Variants in NUP155 observed in about 807,000 individuals in gnomAD.
NUP155 encodes nuclear pore complex protein Nup155.
Under a neutral mutation model 180.4 loss-of-function variants are expected in NUP155, and 71 were observed. That is an observed-to-expected ratio of 0.39 (90% CI 0.33 to 0.48). The LOEUF (loss-of-function observed/expected upper bound fraction) is 0.48. NUP155 is among the 20% of genes least tolerant of loss of function. The pLI is 0.91. For synonymous variants in NUP155, 582 were observed against 559.5 expected, an observed-to-expected ratio of 1.04 and a Z score of -0.57; for missense variants, 1,553 against 1,648.9, an observed-to-expected ratio of 0.94 and a Z score of 1.01.
Position 37,342,601 on chromosome 5 carries a change from C to A in NUP155, c.1041G>T (p.Val347=). Residue 347 remains valine (V), a synonymous_variant, in exon 10 of 35, where the codon GTG becomes GTT. Transcript: ENST00000231498. The part of the protein sequence containing the change: ...SVFKPIVQIA[V]IENSESLDCQ... ...AGTCCAGTGATTCAGAATTTTCAAT[C>A]ACTGCTATTTGGACAATTGGTTTAA... 1.9e-6 allele frequency: 3 copies of A among 1,613,412 alleles called. No individual in the cohort carries two copies. Among genetic ancestry groups the A allele is most frequent in the Non-Finnish European group, 2.5e-6 (3 of 1,179,460 alleles).
At chr5:37,305,648 C>T (rs534797140) in intron 25 of NUP155, among the ~76,000 whole-genome samples, 75 of 152,258 alleles carry the variant, frequency 4.9e-4, no homozygotes, top group African/African-American at 1.6e-3. Context: ...TGCCACTGCA[C>T]TCCATCCTGG....
At chr5:37,300,950 G>A (rs1742831685) in intron 30 of NUP155, 1 of 170,908 alleles carries the variant, frequency 5.9e-6, no homozygotes. Flanking sequence ...CAGCCTCCCA[G>A]GTAGCTGGGA....
At position 37,289,458 on chromosome 5, in the gene NUP155, A is replaced by C. The variant is rs1313694512; in HGVS notation, c.*2442T>G. The C allele has an allele frequency of 1.4e-4, 21 of 152,254 alleles. No individual in the cohort carries two copies. The highest frequency in any genetic ancestry group is 7.2e-4 in the Admixed American group (11 of 15,288). 9.4% of individuals were successfully genotyped at this position (152,254 alleles called of 1,614,324 possible). A position where few individuals can be genotyped will look rare whatever the true frequency, so the allele number is the denominator to read the frequency against. ...ACTCAAGAATCTGTCATAACAGGCT[A>C]TCCGGCTGATTGTTCTGAATGTGAA... On this transcript the variant is annotated 3_prime_UTR_variant, in exon 35 of 35. Coordinates refer to ENST00000231498, the MANE Select transcript of NUP155 (RefSeq NM_153485.3).
In NUP155 at chr5:37,346,686, AAG is replaced by A. The variant is rs759663488; in HGVS notation, c.995+1817_995+1818del. ...GACTTTGTCTCGGAAACAAAAAAAA[AAG>A]AGAGAGAGAGCGTTTGCAGCTTGAC... On this transcript the variant is annotated intron_variant, in intron 9 of 34. Transcript: ENST00000231498. Among the ~76,000 whole-genome samples, 2 of 151,826 alleles carry A rather than the reference AAG, an allele frequency of 1.3e-5. 1 individual carries two copies. Among genetic ancestry groups the A allele is most frequent in the South Asian group, 4.1e-4 (2 of 4,824 alleles).
In NUP155 at chr5:37,288,779, T is replaced by TGGGGGGGGGGG. The variant is rs1303278690; in HGVS notation, c.*3120_*3121insCCCCCCCCCCC. 40 of 45,686 alleles carry TGGGGGGGGGGG rather than the reference T, an allele frequency of 8.8e-4. No homozygotes were observed. Among genetic ancestry groups the TGGGGGGGGGGG allele is most frequent in the African/African-American group, 1.6e-3 (25 of 15,162 alleles). The allele number at this position is 45,686 out of a possible 1,614,324, so 2.8% of individuals were successfully genotyped here. A position where few individuals can be genotyped will look rare whatever the true frequency, so the allele number is the denominator to read the frequency against. On this transcript the variant is annotated 3_prime_UTR_variant, in exon 35 of 35. Transcript: ENST00000231498. Reference sequence around the variant, plus strand: ...AAAAAAAAAAAAAAAGTAGGGGGGGTGGGGCTAGGCGCAGTGGCTCATGCC... The same window carrying TGGGGGGGGGGG: ...AAAAAAAAAAAAAAAGTAGGGGGGGTGGGGGGGGGGGGGGGCTAGGCGCAGTGGCTCATGCC...
intron 11 of NUP155, among the ~76,000 whole-genome samples, chr5:37,340,862 A>G (rs1424785485): frequency 2.0e-5 from 3 of 152,152 alleles, no homozygotes; most frequent in Non-Finnish European, 4.4e-5. Context: ...TTACTTGCGT[A>G]TATTGCGTGG....
chr5:37,350,513 C>T (rs1436034831), intron 6 of NUP155, among the ~76,000 whole-genome samples: 1 of 152,036 alleles, frequency 6.6e-6, no homozygotes, highest in African/African-American at 2.4e-5. Context: ...GATGAAAAGC[C>T]AGTTATGGGC....
At chr5:37,367,845 G>A (rs1307396248) in intron 1 of NUP155, among the ~76,000 whole-genome samples, 3 of 152,052 alleles carry the variant, frequency 2.0e-5, no homozygotes, top group East Asian at 1.9e-4. Context: ...GTACAGTGGC[G>A]CGATCTCGGC....
At position 37,364,323 on chromosome 5, in the gene NUP155, C is replaced by G; in HGVS notation, c.219G>C (p.Leu73=). 6.2e-7 allele frequency: 1 copy of G among 1,610,966 alleles called. No individual in the cohort carries two copies. Among genetic ancestry groups the G allele is most frequent in the Non-Finnish European group, 8.5e-7 (1 of 1,177,204 alleles). ...MDYPLQGPGL[L]SVPNLPEISS... The stretch of plus-strand genomic sequence containing the variant: ...TGATCTCTGGAAGGTTGGGTACGGA[C>G]AGCAAACCAGGTCCTTGCAAAGGAT... The change falls in exon 2 of 35, where the codon CTG becomes CTC. Residue 73 remains leucine, a synonymous_variant. Coordinates refer to ENST00000231498, the MANE Select transcript of NUP155 (RefSeq NM_153485.3).
chr5:37,320,605 G>C (rs1744184701), intron 20 of NUP155, among the ~76,000 whole-genome samples: 1 of 152,094 alleles, frequency 6.6e-6, no homozygotes. Context: ...CTGCTTCTGT[G>C]ACAATTCAAG....
chr5:37,311,542 T>G (rs1298453806), intron 22 of NUP155, among the ~76,000 whole-genome samples: 1 of 152,140 alleles, frequency 6.6e-6, no homozygotes, highest in South Asian at 2.1e-4. Context: ...AGCCACACTA[T>G]TCATTGGACA....
intron 25 of NUP155, among the ~76,000 whole-genome samples, chr5:37,306,926 G>A (rs1010425956): frequency 1.3e-5 from 2 of 151,934 alleles, no homozygotes; most frequent in Non-Finnish European, 2.9e-5. Context: ...GGCCAGACAC[G>A]GTGGCTGATG....
chr5:37,306,211 T>A (rs1227992985), intron 25 of NUP155, among the ~76,000 whole-genome samples: 1 of 151,726 alleles, frequency 6.6e-6, no homozygotes, highest in African/African-American at 2.4e-5. Context: ...GGCAATATAG[T>A]GAGGCCCTGT....
intron 24 of NUP155, among the ~76,000 whole-genome samples, chr5:37,308,785 CAGG>C (rs1194177547): frequency 2.1e-5 from 3 of 143,298 alleles, no homozygotes; most frequent in Non-Finnish European, 3.0e-5. Context: ...GAGGCTGAGG[CAGG>C]AGAATTGCTG....
In NUP155 at chr5:37,301,608, T is replaced by C; in HGVS notation, c.3448-58A>G. The C allele has an allele frequency of 2.9e-6, 3 of 1,030,300 alleles. No individual in the cohort carries two copies. In the South Asian group the frequency reaches 3.8e-5, roughly 13 times the overall value. 63.8% of individuals were successfully genotyped at this position (1,030,300 alleles called of 1,614,324 possible). ...TATTTATGATAAATCAACATACGTT[T>C]GAAAGAACGGATCCTACTATCTGAC... On this transcript the variant is annotated intron_variant, in intron 29 of 34. Coordinates refer to ENST00000231498, the MANE Select transcript of NUP155 (RefSeq NM_153485.3).
intron 33 of NUP155, among the ~76,000 whole-genome samples, chr5:37,294,023 A>AAAAAAAAAAAAAAAAAAAAAAAAAC (rs1561762459): frequency 2.6e-5 from 2 of 76,160 alleles, no homozygotes; most frequent in Non-Finnish European, 4.2e-5. Flanking sequence ...AAAAAAAAAA[A>AAAAAAAAAAAAAAAAAAAAAAAAAC]AAAAATAAAG....
At chr5:37,354,403 C>T (rs1211630632) in intron 4 of NUP155, among the ~76,000 whole-genome samples, 1 of 151,890 alleles carries the variant, frequency 6.6e-6, no homozygotes, top group Non-Finnish European at 1.5e-5. Context: ...CCCCAGCCTC[C>T]CAAAGTGCTG....
At chr5:37,351,038 G>A (rs1746424673) in intron 6 of NUP155, 152 bp downstream of exon 6, 3 of 662,546 alleles carry the variant, frequency 4.5e-6, no homozygotes, top group African/African-American at 3.7e-5. Context: ...TAGGCATGGT[G>A]TAGTCATGGG....
intron 9 of NUP155, among the ~76,000 whole-genome samples, chr5:37,343,235 T>C (rs1745856208): frequency 6.6e-6 from 1 of 151,980 alleles, no homozygotes; most frequent in Non-Finnish European, 1.5e-5. Flanking sequence ...CCACCACACC[T>C]GGCTAATTTT....
Sources: allele counts gnomAD v4.1 joint callset (sites outside exome capture counted in the v4.1 genomes callset), GRCh38; gene constraint gnomAD v4.1.1; transcripts MANE v1.5; gene names NCBI Gene and HGNC (gene_info 2026-07-23, HGNC 2026-07-21).